The following GADL1 variants were observed in gnomAD, a reference collection of about 807,000 sequenced individuals.
GADL1 encodes acidic amino acid decarboxylase GADL1.
A neutral mutation model predicts 69.5 loss-of-function variants in GADL1; 71 were observed. The ratio of observed to expected loss-of-function variants is 1.02; its 90% CI spans 0.84 to 1.25. The LOEUF is 1.25. GADL1 is among the 50% of genes most tolerant of loss of function. GADL1 has a pLI of 0.00. For synonymous variants in GADL1, 254 were observed against 214.4 expected (o/e 1.18, Z -1.62); for missense variants, 737 against 631.8 (o/e 1.17, Z -1.79).
At chr3:30,867,423 C>CATAT (rs148660336) in intron 1 of GADL1, among the ~76,000 whole-genome samples, 38 of 115,096 alleles carry the variant, frequency 3.3e-4, no homozygotes, top group African/African-American at 7.3e-4. Flanking sequence ...TACAATACTA[C>CATAT]ATATATATAT....
intron 14 of GADL1, among the ~76,000 whole-genome samples, chr3:30,758,205 C>T (rs779437902): frequency 6.6e-6 from 1 of 152,190 alleles, no homozygotes; most frequent in South Asian, 2.1e-4. Flanking sequence ...GTAGTACATT[C>T]CTATCTGCCA....
chr3:30,847,523 T>C (rs1698078399), intron 6 of GADL1, among the ~76,000 whole-genome samples: 1 of 152,156 alleles, frequency 6.6e-6, no homozygotes, highest in Non-Finnish European at 1.5e-5. Context: ...AATAGATGGA[T>C]TTGTTGTAAT....
intron 14 of GADL1, 22 bp from the exon 15 acceptor site, chr3:30,728,437 GA>G (rs1559481233): frequency 2.5e-6 from 4 of 1,607,140 alleles, no homozygotes; most frequent in Non-Finnish European, 2.6e-6. Flanking sequence ...GAAAAGGGGA[GA>G]GGGGTGAAAG....
At chr3:30,801,646 C>CT (rs1697167857) in intron 11 of GADL1, among the ~76,000 whole-genome samples, 1 of 152,152 alleles carries the variant, frequency 6.6e-6, no homozygotes, top group Non-Finnish European at 1.5e-5. Flanking sequence ...CCCACAGGGC[C>CT]TTTTGTGTTT....
intron 1 of GADL1, among the ~76,000 whole-genome samples, chr3:30,871,674 G>A (rs551866843): frequency 3.1e-4 from 47 of 151,852 alleles, no homozygotes; most frequent in African/African-American, 1.0e-3. Context: ...TTTACATTAT[G>A]AGACTACGTT....
chr3:30,834,910 C>T (rs1299992652), intron 9 of GADL1, among the ~76,000 whole-genome samples: 1 of 151,930 alleles, frequency 6.6e-6, no homozygotes, highest in Non-Finnish European at 1.5e-5. Flanking sequence ...AGGTCTGGAG[C>T]AAAGGGAGAA....
chr3:30,754,131 A>T (rs893690367), intron 14 of GADL1, among the ~76,000 whole-genome samples: 1 of 152,188 alleles, frequency 6.6e-6, no homozygotes, highest in Non-Finnish European at 1.5e-5. Flanking sequence ...CCAAATAAGT[A>T]AAAACCCTTT....
intron 2 of GADL1, among the ~76,000 whole-genome samples, chr3:30,858,765 C>T (rs1698269727): frequency 6.6e-6 from 1 of 151,916 alleles, no homozygotes; most frequent in African/African-American, 2.4e-5. Flanking sequence ...CAGGGAGACA[C>T]TATGATAATG....
At chr3:30,892,443 G>A (rs1320408473) in intron 1 of GADL1, among the ~76,000 whole-genome samples, 1 of 152,222 alleles carries the variant, frequency 6.6e-6, no homozygotes, top group East Asian at 1.9e-4. Context: ...AATTAGGTGT[G>A]TTGCTGCCTT....
intron 3 of GADL1, among the ~76,000 whole-genome samples, chr3:30,856,334 G>A (rs1311155858): frequency 6.6e-6 from 1 of 152,064 alleles, no homozygotes; most frequent in East Asian, 1.9e-4. Context: ...CTTGTTCGCT[G>A]GATGAACAGG....
chr3:30,854,827 T>TAAAA, intron 3 of GADL1, 38 bp from the exon 4 acceptor site: 4 of 870,102 alleles, frequency 4.6e-6, no homozygotes, highest in East Asian at 3.1e-5. Context: ...TATGCAGCAA[T>TAAAA]AAAAAAAAAA....
chr3:30,874,689 G>C (rs117837290), intron 1 of GADL1, among the ~76,000 whole-genome samples: 1 of 151,780 alleles, frequency 6.6e-6, no homozygotes, highest in Non-Finnish European at 1.5e-5. Flanking sequence ...TCATATAATC[G>C]TAGCTAGCAT....
intron 11 of GADL1, among the ~76,000 whole-genome samples, chr3:30,826,472 C>G (rs1307690680): frequency 1.3e-5 from 2 of 151,768 alleles, no homozygotes; most frequent in Admixed American, 1.3e-4. Context: ...CACAAATAGG[C>G]AGAAAATATA....
chr3:30,826,365 G>A (rs1258101727), intron 11 of GADL1, among the ~76,000 whole-genome samples: 1 of 151,878 alleles, frequency 6.6e-6, no homozygotes, highest in Admixed American at 6.6e-5. Context: ...GAGAAGCAAA[G>A]GTTGGCGTTC....
intron 11 of GADL1, among the ~76,000 whole-genome samples, chr3:30,806,270 A>G (rs1460125933): frequency 6.6e-6 from 1 of 152,152 alleles, no homozygotes; most frequent in Non-Finnish European, 1.5e-5. Flanking sequence ...TTAATAATTC[A>G]TCTAAAAATT....
intron 14 of GADL1, among the ~76,000 whole-genome samples, chr3:30,745,751 G>GAACT (rs35278767): frequency 0.36 from 52,416 of 146,780 alleles, 9,886 homozygotes; most frequent in African/African-American, 0.52. Context: ...TGAGATACCT[G>GAACT]AACTTTTTCT....
At chr3:30,863,840 A>G (rs1020075325) in intron 1 of GADL1, among the ~76,000 whole-genome samples, 8 of 151,978 alleles carry the variant, frequency 5.3e-5, no homozygotes, top group Admixed American at 2.6e-4. Context: ...ATAAAATTCT[A>G]TGGCTCCACA....
intron 12 of GADL1, among the ~76,000 whole-genome samples, chr3:30,794,379 C>T (rs753103395): frequency 1.3e-4 from 20 of 152,044 alleles, no homozygotes; most frequent in Admixed American, 7.2e-4. Flanking sequence ...ACCTGAATGC[C>T]ATAACAAAGG....
At chr3:30,765,710 G>C (rs776477470) in intron 14 of GADL1, among the ~76,000 whole-genome samples, 5 of 152,156 alleles carry the variant, frequency 3.3e-5, no homozygotes, top group Non-Finnish European at 7.3e-5. Flanking sequence ...TACTAGCCAG[G>C]CTTGGAAGGG....
Sources: gnomAD v4.1 joint callset for allele counts (sites outside exome capture counted in the v4.1 genomes callset) on GRCh38, gnomAD v4.1.1 for gene constraint, MANE v1.5 for transcripts, NCBI Gene and HGNC (gene_info 2026-07-23, HGNC 2026-07-21) for gene names.